The following MINDY3 variants were observed in gnomAD, a reference collection of about 807,000 sequenced individuals.
MINDY3 encodes the protein ubiquitin carboxyl-terminal hydrolase MINDY-3.
In MINDY3, 38 loss-of-function variants were observed where a neutral mutation model predicts 69.2. The observed-to-expected ratio is 0.55, with a 90% CI of 0.42 to 0.72. MINDY3 has a LOEUF of 0.72. Among genes scored for constraint, MINDY3 ranks in the 30% least tolerant of loss-of-function variants. The probability of loss-of-function intolerance (pLI) is 0.00; values close to 1 mark genes in which losing one functional copy is unlikely to be tolerated. For missense variants in MINDY3, 522 were observed against 519.0 expected, an observed-to-expected ratio of 1.01 and a Z score of -0.06; for synonymous variants, 192 against 180.1, an observed-to-expected ratio of 1.07 and a Z score of -0.53.
intron 10 of MINDY3, among the ~76,000 whole-genome samples, chr10:15,797,465 T>C (rs978894115): frequency 6.6e-6 from 1 of 152,162 alleles, no homozygotes; most frequent in African/African-American, 2.4e-5. Flanking sequence ...TGACATGTTT[T>C]CATTTGGCTT....
chr10:15,837,948 A>AAC (rs1375408044), intron 5 of MINDY3: 10 of 953,738 alleles, frequency 1.0e-5, no homozygotes, highest in Non-Finnish European at 1.2e-5. Context: ...AGGTCACAGA[A>AAC]ACATTAAGCT....
At chr10:15,820,010 G>A (rs965174826) in intron 9 of MINDY3, among the ~76,000 whole-genome samples, 1 of 152,148 alleles carries the variant, frequency 6.6e-6, no homozygotes, top group African/African-American at 2.4e-5. Flanking sequence ...CACTTAATAT[G>A]TACCTAGCAA....
At chr10:15,800,830 A>C (rs192665993) in intron 10 of MINDY3, among the ~76,000 whole-genome samples, 1 of 152,306 alleles carries the variant, frequency 6.6e-6, no homozygotes, top group Non-Finnish European at 1.5e-5. Flanking sequence ...CGCTTTTTGC[A>C]AAATACCTCC....
intron 14 of MINDY3, 40 bp from the exon 15 acceptor site, chr10:15,779,181 C>T (rs1237739796): frequency 1.3e-6 from 2 of 1,575,900 alleles, no homozygotes; most frequent in African/African-American, 2.7e-5. Context: ...AAGCAACAGT[C>T]TTAGCAAATT....
intron 10 of MINDY3, among the ~76,000 whole-genome samples, chr10:15,798,026 G>A (rs1299492458): frequency 3.3e-5 from 5 of 152,066 alleles, no homozygotes; most frequent in African/African-American, 1.2e-4. Flanking sequence ...ATGCAGAGGG[G>A]AACTTACAGG....
chr10:15,816,720 T>C (rs1321498508), intron 10 of MINDY3, 115 bp downstream of exon 10: 41 of 721,178 alleles, frequency 5.7e-5, no homozygotes, highest in Non-Finnish European at 7.7e-5. Context: ...TTTTGAACAA[T>C]TCATTTGTTG....
At chr10:15,786,702 T>A in intron 12 of MINDY3, 54 bp from the exon 13 acceptor site, 1 of 1,067,334 alleles carries the variant, frequency 9.4e-7, no homozygotes, top group Non-Finnish European at 1.4e-6. Context: ...AAAAAGCTGC[T>A]TTTCTTTCAT....
intron 9 of MINDY3, among the ~76,000 whole-genome samples, chr10:15,820,231 C>G (rs1839663704): frequency 6.6e-6 from 1 of 152,168 alleles, no homozygotes; most frequent in African/African-American, 2.4e-5. Context: ...ATCTCAAGAG[C>G]TGGACAACTC....
intron 10 of MINDY3, among the ~76,000 whole-genome samples, chr10:15,813,200 A>T (rs1839127941): frequency 6.6e-6 from 1 of 152,204 alleles, no homozygotes; most frequent in South Asian, 2.1e-4. Flanking sequence ...TCAAAGAGTA[A>T]CATGGCCTGC....
At chr10:15,848,085 C>A in intron 1 of MINDY3, 142 bp from the exon 2 acceptor site, 1 of 666,754 alleles carries the variant, frequency 1.5e-6, no homozygotes, top group South Asian at 2.0e-5. Context: ...ATCAAGGAAC[C>A]TTTTGAAAAA....
At chr10:15,796,633 G>T (rs1837860948) in intron 10 of MINDY3, among the ~76,000 whole-genome samples, 1 of 151,900 alleles carries the variant, frequency 6.6e-6, no homozygotes. Flanking sequence ...ATGATACAAT[G>T]AGATAGCAAT....
At chr10:15,784,650 T>C (rs558131911) in intron 13 of MINDY3, among the ~76,000 whole-genome samples, 3 of 152,176 alleles carry the variant, frequency 2.0e-5, no homozygotes, top group East Asian at 1.9e-4. Context: ...GGCAGGAGAA[T>C]TGCTTGGACC....
At chr10:15,859,971 C>G (rs1268091183) in intron 1 of MINDY3, among the ~76,000 whole-genome samples, 2 of 152,232 alleles carry the variant, frequency 1.3e-5, no homozygotes, top group East Asian at 3.8e-4. Context: ...AAGGGCAGCC[C>G]GGAGGATGGA....
At chr10:15,855,574 C>A (rs1217732215) in intron 1 of MINDY3, among the ~76,000 whole-genome samples, 4 of 152,120 alleles carry the variant, frequency 2.6e-5, no homozygotes, top group Non-Finnish European at 1.5e-5. Flanking sequence ...CTCATTTTCA[C>A]ATTTTATAGC....
At chr10:15,855,315 A>G (rs1291773658) in intron 1 of MINDY3, among the ~76,000 whole-genome samples, 1 of 152,120 alleles carries the variant, frequency 6.6e-6, no homozygotes, top group Non-Finnish European at 1.5e-5. Flanking sequence ...CTAAAACAGG[A>G]CTATGCTGAG....
chr10:15,832,339 A>T (rs1832788760), intron 8 of MINDY3, among the ~76,000 whole-genome samples: 2 of 152,164 alleles, frequency 1.3e-5, no homozygotes, highest in African/African-American at 2.4e-5. Context: ...GGGTCCAGAA[A>T]CAACTGGAAG....
chr10:15,788,935 C>A, intron 12 of MINDY3: 1 of 215,758 alleles, frequency 4.6e-6, no homozygotes, highest in South Asian at 8.8e-5. Context: ...ACTGAAGATA[C>A]TAATGTCACA....
chr10:15,812,799 CAAAGCTGCTAAGTACACATTTTCT>C (rs1275615644), intron 10 of MINDY3, among the ~76,000 whole-genome samples: 1 of 152,194 alleles, frequency 6.6e-6, no homozygotes, highest in Non-Finnish European at 1.5e-5. Context: ...TCAACAACAG[CAAAGCTGCTAAGTACACATTTTCT>C]AAAGCTCTAA....
intron 13 of MINDY3, 21 bp from the exon 14 acceptor site, chr10:15,782,247 T>C: frequency 6.8e-7 from 1 of 1,476,716 alleles, no homozygotes; most frequent in Non-Finnish European, 9.3e-7. Flanking sequence ...TAAAGGACTA[T>C]TAACACTTTA....
Sources: allele counts gnomAD v4.1 joint callset (sites outside exome capture counted in the v4.1 genomes callset), GRCh38; gene constraint gnomAD v4.1.1; transcripts MANE v1.5; gene names NCBI Gene and HGNC (gene_info 2026-07-23, HGNC 2026-07-21).